Variants in PCDHGA11 observed in about 807,000 individuals in gnomAD.
PCDHGA11 encodes the protein protocadherin gamma-A11.
PCDHGA11 carries 39 observed loss-of-function variants against 60.4 expected under a neutral mutation model. The observed-to-expected ratio is 0.65, with a 90% confidence interval of 0.50 to 0.84. PCDHGA11 has a LOEUF of 0.84. PCDHGA11 is among the 40% of genes least tolerant of loss of function. The pLI is 0.00. For synonymous variants in PCDHGA11, 533 were observed against 510.3 expected, an observed-to-expected ratio of 1.04 and a Z score of -0.60; for missense variants, 1,165 against 1,197.7, an observed-to-expected ratio of 0.97 and a Z score of 0.40.
At chr5:141,465,522 G>A (rs1416012695) in intron 1 of PCDHGA11, among the ~76,000 whole-genome samples, 1 of 152,112 alleles carries the variant, frequency 6.6e-6, no homozygotes, top group Non-Finnish European at 1.5e-5. Context: ...AGGATTCTGG[G>A]GAAGTTTTCC....
At chr5:141,443,137 A>G (rs1202995621) in intron 1 of PCDHGA11, among the ~76,000 whole-genome samples, 1 of 152,174 alleles carries the variant, frequency 6.6e-6, no homozygotes, top group Non-Finnish European at 1.5e-5. Flanking sequence ...GAACACTATC[A>G]TAAGTTATAC....
chr5:141,487,237 T>G lies in PCDHGA11; in HGVS notation c.2434-7570T>G, dbSNP rs1327004790. ...CAGCTCCAAGGGAAGGAGAATCTCGTCTAACCCTCTACTTGGCTGTGTCCC... is the reference window on the plus strand; with the variant it reads ...CAGCTCCAAGGGAAGGAGAATCTCGGCTAACCCTCTACTTGGCTGTGTCCC... On this transcript the variant is annotated intron_variant, in intron 1 of 3. Transcript: ENST00000398587. This position sits in a 1 kb window ranked among gnomAD's most constrained non-coding sequence, Gnocchi z 5.0. 1.2e-6 allele frequency: 2 copies of G among 1,614,004 alleles called. No individual in the cohort carries two copies. The highest frequency in any genetic ancestry group is 1.7e-6 in the Non-Finnish European group (2 of 1,179,988).
In PCDHGA11 at chr5:141,512,839, C is replaced by T. The variant is rs141207714; in HGVS notation, c.*1666C>T. ...GACCCCCTCCCCCGTACTGACTTCTCCTATAAGCGCTTCTCTTCGCATAGT... is the reference window on the plus strand; with the variant it reads ...GACCCCCTCCCCCGTACTGACTTCTTCTATAAGCGCTTCTCTTCGCATAGT... On this transcript the variant is annotated 3_prime_UTR_variant, in exon 4 of 4. Transcript: ENST00000398587. 278 of 152,216 alleles carry T rather than the reference C, an allele frequency of 1.8e-3. 2 individuals are homozygous for T. Among genetic ancestry groups the T allele is most frequent in the Middle Eastern group, 0.01 (3 of 292 alleles). 9.4% of individuals were successfully genotyped at this position (152,216 alleles called of 1,614,324 possible). A position where few individuals can be genotyped will look rare whatever the true frequency, so the allele number is the denominator to read the frequency against.
chr5:141,432,069 A>T lies in PCDHGA11; in HGVS notation c.2433+8409A>T. ...ACCCCGCCCCTATCCACGGAAACTC[A>T]TATCTCGCTGAACGTGGCAGACACC... is the stretch of plus-strand genomic sequence containing the variant. On this transcript the variant is annotated intron_variant, in intron 1 of 3. Coordinates refer to ENST00000398587, the MANE Select transcript of PCDHGA11 (RefSeq NM_018914.3). This position sits in a 1 kb window ranked among gnomAD's most constrained non-coding sequence, Gnocchi z 6.0. The T allele has an allele frequency of 6.2e-7, 1 of 1,614,168 alleles. No homozygotes were observed. The highest frequency in any genetic ancestry group is 8.5e-7 in the Non-Finnish European group (1 of 1,180,038).
Position 141,485,151 on chromosome 5 carries a change from T to C in PCDHGA11, c.2434-9656T>C, listed in dbSNP as rs1191585056. 1.0e-5 allele frequency: 16 copies of C among 1,584,876 alleles called. No homozygotes were observed. Among genetic ancestry groups the C allele is most frequent in the Non-Finnish European group, 1.3e-5 (15 of 1,156,528 alleles). On this transcript the variant is annotated intron_variant, in intron 1 of 3. Coordinates refer to ENST00000398587, the MANE Select transcript of PCDHGA11 (RefSeq NM_018914.3). This position sits in a 1 kb window ranked among gnomAD's most constrained non-coding sequence, Gnocchi z 5.7. ...GCTTCATCCGCGTCTCAGGAGCAAG[T>C]AGAGAATTAGCGGGCGGCAGCAATG...
chr5:141,491,714 C>T lies in PCDHGA11; in HGVS notation c.2434-3093C>T, dbSNP rs1321811999. 2 of 1,608,744 alleles carry T rather than the reference C, an allele frequency of 1.2e-6. No individual in the cohort carries two copies. Among genetic ancestry groups the T allele is most frequent in the Non-Finnish European group, 1.7e-6 (2 of 1,177,916 alleles). The stretch of plus-strand genomic sequence containing the variant: ...GAGCGGAGCCAGGTGAGGGGCTCGG[C>T]GCCGCCCCGGGCGACCCCTGGGGGC... On this transcript the variant is annotated intron_variant, in intron 1 of 3. Coordinates refer to ENST00000398587, the MANE Select transcript of PCDHGA11 (RefSeq NM_018914.3). The surrounding 1 kb of genome is among the most constrained non-coding windows in gnomAD (Gnocchi z 6.9).
At position 141,476,290 on chromosome 5, in the gene PCDHGA11, C is replaced by T. The variant is rs768208156; in HGVS notation, c.2434-18517C>T. ...TGGTCGCGAACCTTGGTTTGGATCT[C>T]GGTAGCCTCTCAGCCCGCAGGTTCC... On this transcript the variant is annotated intron_variant, in intron 1 of 3. Coordinates refer to ENST00000398587, the MANE Select transcript of PCDHGA11 (RefSeq NM_018914.3). The surrounding 1 kb of genome is among the most constrained non-coding windows in gnomAD (Gnocchi z 7.6). 1.7e-5 allele frequency: 27 copies of T among 1,613,932 alleles called. No individual in the cohort carries two copies. Among genetic ancestry groups the T allele is most frequent in the Non-Finnish European group, 2.3e-5 (27 of 1,180,018 alleles).
At chr5:141,443,683 A>C (rs1358937790) in intron 1 of PCDHGA11, among the ~76,000 whole-genome samples, 1 of 152,248 alleles carries the variant, frequency 6.6e-6, no homozygotes, top group Admixed American at 6.5e-5. Flanking sequence ...GTTTACAAAC[A>C]CTTCAAAAAT....
In PCDHGA11 at chr5:141,494,850, G is replaced by C. The variant is rs2099757124; in HGVS notation, c.2477G>C (p.Arg826Thr). 1.2e-6 allele frequency: 2 copies of C among 1,614,124 alleles called. No individual in the cohort carries two copies. The highest frequency in any genetic ancestry group is 1.7e-6 in the Non-Finnish European group (2 of 1,180,018). Reference protein sequence around the residue: ...NTDWRFSQAQRPGTSGSQNGD... With the variant: ...NTDWRFSQAQTPGTSGSQNGD... ...GACTGGCGTTTCTCTCAGGCCCAGA[G>C]ACCCGGCACCAGCGGGTAGGTGACT... is the stretch of plus-strand genomic sequence containing the variant. The change falls in exon 2 of 4, where the codon AGA becomes ACA. Residue 826 changes from arginine to threonine, a missense_variant. Physicochemically the swap from Arg to Thr is moderately conservative, Grantham distance 71. Transcript: ENST00000398587.
chr5:141,422,721 G>A lies in PCDHGA11; in HGVS notation c.1494G>A (p.Gln498=). The A allele has an allele frequency of 6.2e-7, 1 of 1,605,664 alleles. No individual in the cohort carries two copies. Among genetic ancestry groups the A allele is most frequent in the East Asian group, 2.2e-5 (1 of 44,866 alleles). Residue 498 remains glutamine (Q), a synonymous_variant, in exon 1 of 4, where the codon CAG becomes CAA. Transcript: ENST00000398587. The part of the protein sequence containing the change: ...VTYSLTDDTV[Q]GVPLSSYVSI... ...ACTCTCTGACGGATGACACTGTCCA[G>A]GGGGTGCCTCTGTCCTCCTATGTCT...
intron 1 of PCDHGA11, among the ~76,000 whole-genome samples, chr5:141,481,293 TC>T (rs2099535148): frequency 6.6e-6 from 1 of 152,174 alleles, no homozygotes; most frequent in South Asian, 2.1e-4. Context: ...ATTTCAGTCA[TC>T]TAAGGGAAAA....
Position 141,478,910 on chromosome 5 carries a change from A to G in PCDHGA11, c.2434-15897A>G, listed in dbSNP as rs568573298. On this transcript the variant is annotated intron_variant, in intron 1 of 3. Transcript: ENST00000398587. ...ATTTACATTAGGAATAAGCTGCTGG[A>G]TACCTCTAACCAGTGGCAGCTTCTA... 5.3e-4 allele frequency: 474 copies of G among 893,806 alleles called. 7 individuals are homozygous for G. The South Asian group carries it at 6.8e-3, about 13-fold the overall frequency. 55.4% of individuals were successfully genotyped at this position (893,806 alleles called of 1,614,324 possible).
At chr5:141,479,358 GC>G (rs2154577546) in intron 1 of PCDHGA11, 1 of 152,584 alleles carries the variant, frequency 6.6e-6, no homozygotes, top group Non-Finnish European at 1.5e-5. Flanking sequence ...GCTGCTCAGT[GC>G]CTGAGGTGGG....
intron 3 of PCDHGA11, among the ~76,000 whole-genome samples, chr5:141,506,116 A>T: frequency 6.6e-6 from 1 of 152,136 alleles, no homozygotes; most frequent in East Asian, 1.9e-4. Flanking sequence ...AAGAGTCACT[A>T]GGGCCCAGAG....
At chr5:141,482,602 C>T (rs2099569087) in intron 1 of PCDHGA11, among the ~76,000 whole-genome samples, 1 of 142,506 alleles carries the variant, frequency 7.0e-6, no homozygotes, top group Non-Finnish European at 1.5e-5. Flanking sequence ...CGGGAAAAAA[C>T]ACCTAAATGA....
At chr5:141,492,509 C>T (rs1276866000) in intron 1 of PCDHGA11, among the ~76,000 whole-genome samples, 1 of 152,216 alleles carries the variant, frequency 6.6e-6, no homozygotes, top group African/African-American at 2.4e-5. Context: ...CCGGAGCCTC[C>T]TCTCACCTCT....
In PCDHGA11 at chr5:141,422,911, G is replaced by C. The variant is rs375046528; in HGVS notation, c.1684G>C (p.Glu562Gln). The part of the protein sequence containing the change: ...FVLDQNDNAP[E>Q]ILYPALPTDG... ...GCTGGACCAGAACGACAATGCGCCC[G>C]AGATCCTGTACCCTGCCCTCCCCAC... The change falls in exon 1 of 4, where the codon GAG becomes CAG. Residue 562 changes from glutamate (E) to glutamine (Q), a missense_variant. Transcript: ENST00000398587. 41 of 1,614,236 alleles carry C rather than the reference G, an allele frequency of 2.5e-5. No individual in the cohort carries two copies. Among genetic ancestry groups the C allele is most frequent in the Non-Finnish European group, 3.2e-5 (38 of 1,180,046 alleles).
intron 1 of PCDHGA11, among the ~76,000 whole-genome samples, chr5:141,473,313 T>C (rs1173941642): frequency 2.7e-4 from 41 of 152,246 alleles, no homozygotes; most frequent in Non-Finnish European, 5.9e-5. Context: ...GCTATATTAA[T>C]AAGCATTAAG....
rs2154550191 is a variant in PCDHGA11, at chr5:141,423,492, C to T, written c.2265C>T (p.Ser755=). ...DGVQAFLQTY[S]HEVSLIADSQ... ...TACAGGCTTTCCTGCAAACCTATTC[C>T]CACGAGGTCTCTCTCATTGCGGACT... The change falls in exon 1 of 4, where the codon TCC becomes TCT. Residue 755 remains serine (S), a synonymous_variant. Transcript: ENST00000398587. 2 of 1,613,972 alleles carry T rather than the reference C, an allele frequency of 1.2e-6. No homozygotes were observed. Among genetic ancestry groups the T allele is most frequent in the East Asian group, 4.5e-5 (2 of 44,884 alleles).
Sources: allele counts gnomAD v4.1 joint callset (sites outside exome capture counted in the v4.1 genomes callset), GRCh38; gene constraint gnomAD v4.1.1; non-coding constraint Gnocchi (gnomAD v3.1); transcripts MANE v1.5; gene names NCBI Gene and HGNC (gene_info 2026-07-23, HGNC 2026-07-21).